The following ESRRG variants were observed in gnomAD, a reference collection of about 807,000 sequenced individuals.
The protein encoded by ESRRG is estrogen related receptor gamma.
A neutral mutation model predicts 44.0 loss-of-function variants in ESRRG; 13 were observed. The observed-to-expected ratio is 0.30, with a 90% CI of 0.19 to 0.47. ESRRG has a LOEUF of 0.47. Among genes scored for constraint, ESRRG ranks in the 20% least tolerant of loss-of-function variants. The probability of loss-of-function intolerance (pLI) is 1.00; values close to 1 mark genes in which losing one functional copy is unlikely to be tolerated. For synonymous variants in ESRRG, 215 were observed against 214.6 expected (o/e 1.00, Z -0.02); for missense variants, 395 against 580.6 (o/e 0.68, Z 3.29).
intron 1 of ESRRG, among the ~76,000 whole-genome samples, chr1:217,114,206 A>T (rs1234901823): frequency 6.6e-6 from 1 of 152,040 alleles, no homozygotes. Context: ...ACAAAAAAAA[A>T]TTCTGGTGAG....
chr1:216,999,231 C>T (rs1188958929), intron 1 of ESRRG, among the ~76,000 whole-genome samples: 2 of 152,074 alleles, frequency 1.3e-5, no homozygotes, highest in Admixed American at 1.3e-4. Flanking sequence ...GGGTTCACAT[C>T]TTATCATTAT....
At chr1:217,072,717 C>T (rs2090720195) in intron 1 of ESRRG, among the ~76,000 whole-genome samples, 1 of 148,782 alleles carries the variant, frequency 6.7e-6, no homozygotes, top group Admixed American at 6.7e-5. Context: ...TGTGTTTTTT[C>T]TCCTATGACA....
chr1:216,602,596 T>A (rs958839995), intron 3 of ESRRG, among the ~76,000 whole-genome samples: 1 of 152,178 alleles, frequency 6.6e-6, no homozygotes. Flanking sequence ...CTATTCTGAG[T>A]TAAATGTTCC....
chr1:216,877,311 G>A (rs1452438799), intron 2 of ESRRG, among the ~76,000 whole-genome samples: 6 of 151,750 alleles, frequency 4.0e-5, no homozygotes, highest in Non-Finnish European at 8.8e-5. Context: ...CCACAAAACT[G>A]CAAGTATTCT....
At chr1:216,709,765 C>T (rs982772598) in intron 1 of ESRRG, among the ~76,000 whole-genome samples, 10 of 151,408 alleles carry the variant, frequency 6.6e-5, no homozygotes, top group African/African-American at 1.5e-4. Context: ...TGTGGTTTGC[C>T]GACCTTGGTG....
intron 5 of ESRRG, among the ~76,000 whole-genome samples, chr1:216,539,155 G>T (rs902678727): frequency 4.6e-5 from 7 of 151,788 alleles, no homozygotes; most frequent in Non-Finnish European, 1.0e-4. Flanking sequence ...TGGAGGGATT[G>T]CTCCTCAGTT....
intron 1 of ESRRG, among the ~76,000 whole-genome samples, chr1:217,113,105 A>G (rs1174016390): frequency 6.6e-6 from 1 of 152,212 alleles, no homozygotes; most frequent in East Asian, 1.9e-4. Flanking sequence ...ATACAAAATG[A>G]AAAGAGGGCA....
chr1:216,676,254 CAA>C (rs2076089772), intron 2 of ESRRG, among the ~76,000 whole-genome samples: 1 of 152,034 alleles, frequency 6.6e-6, no homozygotes, highest in Non-Finnish European at 1.5e-5. Flanking sequence ...AGGGCATAAA[CAA>C]ATTTCAGTCC....
intron 1 of ESRRG, among the ~76,000 whole-genome samples, chr1:217,028,443 G>A (rs1579732280): frequency 6.6e-6 from 1 of 152,286 alleles, no homozygotes; most frequent in South Asian, 2.1e-4. Context: ...GGACAGACAT[G>A]TCAAGATATT....
chr1:216,728,303 A>G (rs920045559), upstream of ESRRG, among the ~76,000 whole-genome samples: 3 of 152,216 alleles, frequency 2.0e-5, no homozygotes, highest in Non-Finnish European at 4.4e-5. Context: ...CTTTTGAGGC[A>G]GCTGTAATAT....
intron 3 of ESRRG, among the ~76,000 whole-genome samples, chr1:216,638,105 C>T (rs1261372956): frequency 6.6e-6 from 1 of 152,108 alleles, no homozygotes; most frequent in Non-Finnish European, 1.5e-5. Context: ...TTCCTGTTCT[C>T]AAGTTGTTTA....
In ESRRG at chr1:216,967,279, C is replaced by T. The variant is rs1184783606; in HGVS notation, c.-105-27606G>A. The stretch of plus-strand genomic sequence containing the variant: ...AAGCCCAGACTTTGCATTAGGGTTA[C>T]TTCTTGGGGTTATATAAAGGTTTGG... On this transcript the variant is annotated intron_variant, in intron 1 of 7. Coordinates refer to the ESRRG transcript ENST00000359162. Among the ~76,000 whole-genome samples, 7 of 152,128 alleles carry T rather than the reference C, an allele frequency of 4.6e-5. No homozygotes were observed. In the East Asian group the frequency reaches 1.2e-3, roughly 25 times the overall value.
intron 2 of ESRRG, among the ~76,000 whole-genome samples, chr1:216,671,022 T>C (rs943039118): frequency 2.0e-5 from 3 of 152,202 alleles, no homozygotes; most frequent in Non-Finnish European, 2.9e-5. Context: ...TATTTACATA[T>C]ACTATGCAGT....
intron 1 of ESRRG, among the ~76,000 whole-genome samples, chr1:217,026,829 C>G (rs1395515449): frequency 6.6e-6 from 1 of 151,282 alleles, no homozygotes; most frequent in Non-Finnish European, 1.5e-5. Flanking sequence ...TCAAAAGGAC[C>G]ACCCTGCCAA....
intron 2 of ESRRG, among the ~76,000 whole-genome samples, chr1:216,766,740 A>G (rs2093098174): frequency 6.6e-6 from 1 of 152,112 alleles, no homozygotes; most frequent in African/African-American, 2.4e-5. Flanking sequence ...ACCTATTGCC[A>G]GCATTTATAT....
chr1:216,885,366 G>A (rs1017328230), intron 2 of ESRRG, among the ~76,000 whole-genome samples: 6 of 152,078 alleles, frequency 3.9e-5, no homozygotes, highest in African/African-American at 1.4e-4. Context: ...ACAATGAGAT[G>A]GAGTTTCACA....
intron 1 of ESRRG, among the ~76,000 whole-genome samples, chr1:217,137,157 C>A (rs1409988173): frequency 6.6e-6 from 1 of 152,158 alleles, no homozygotes; most frequent in African/African-American, 2.4e-5. Context: ...CACAAGAGGT[C>A]AAACGCCTAA....
chr1:217,132,060 G>A (rs995741580), intron 1 of ESRRG, among the ~76,000 whole-genome samples: 5 of 152,220 alleles, frequency 3.3e-5, no homozygotes, highest in African/African-American at 1.2e-4. Flanking sequence ...CAAGAAAGAT[G>A]ATGTTGGGGA....
At chr1:216,602,797 A>G (rs893855056) in intron 3 of ESRRG, among the ~76,000 whole-genome samples, 7 of 152,250 alleles carry the variant, frequency 4.6e-5, no homozygotes, top group African/African-American at 7.2e-5. Flanking sequence ...CACAAGCTCA[A>G]TGTTCAGAAA....
Sources: gnomAD v4.1 joint callset for allele counts (sites outside exome capture counted in the v4.1 genomes callset) on GRCh38, gnomAD v4.1.1 for gene constraint, MANE v1.5 for transcripts, NCBI Gene and HGNC (gene_info 2026-07-23, HGNC 2026-07-21) for gene names.